RBM47: variants seen among roughly 807,000 people sequenced by gnomAD.
The protein encoded by RBM47 is RNA binding motif protein 47.
In RBM47, 21 loss-of-function variants were observed where a neutral mutation model predicts 47.1. The ratio of observed to expected loss-of-function variants is 0.45; its 90% CI spans 0.32 to 0.64. The LOEUF (loss-of-function observed/expected upper bound fraction) is 0.64, where lower values mean the gene tolerates loss of function less well. Among genes scored for constraint, RBM47 ranks in the 30% least tolerant of loss-of-function variants. RBM47 has a pLI of 0.05. For missense variants in RBM47, 708 were observed against 870.9 expected, an observed-to-expected ratio of 0.81 and a Z score of 2.35; for synonymous variants, 375 against 361.7, an observed-to-expected ratio of 1.04 and a Z score of -0.42.
intron 1 of RBM47, among the ~76,000 whole-genome samples, chr4:40,620,589 T>C (rs1737178102): frequency 6.6e-6 from 1 of 152,228 alleles, no homozygotes; most frequent in African/African-American, 2.4e-5. Flanking sequence ...TAATTCATAT[T>C]TACTGGTTCT....
At chr4:40,431,614 C>T (rs531702882) in intron 6 of RBM47, among the ~76,000 whole-genome samples, 37 of 148,814 alleles carry the variant, frequency 2.5e-4, no homozygotes, top group East Asian at 2.0e-4. Context: ...GCCGAGATGG[C>T]GCCACTGCGC....
At chr4:40,492,518 G>A (rs556479972) in intron 2 of RBM47, among the ~76,000 whole-genome samples, 1 of 152,214 alleles carries the variant, frequency 6.6e-6, no homozygotes, top group African/African-American at 2.4e-5. Context: ...TGTTTCCAAG[G>A]AACAAAGCTC....
intron 2 of RBM47, chr4:40,543,457 A>G (rs982545717): frequency 6.6e-6 from 1 of 152,068 alleles, no homozygotes; most frequent in African/African-American, 2.4e-5. Context: ...CAAGACTATC[A>G]TATGAAGTCA....
chr4:40,616,373 A>G (rs1445268985), intron 1 of RBM47, among the ~76,000 whole-genome samples: 1 of 151,766 alleles, frequency 6.6e-6, no homozygotes, highest in African/African-American at 2.4e-5. Context: ...AAAAAGAAAA[A>G]AAAAAAATCA....
At position 40,432,756 on chromosome 4, in the gene RBM47, G is replaced by A; in HGVS notation, c.1437C>T (p.Pro479=). Reference sequence around the variant, plus strand: ...TGGCTGGGTCTGGCTGCACAGCAATGGGGCTGATCATGTGCTCCACTGTGT... The same window carrying A: ...TGGCTGGGTCTGGCTGCACAGCAATAGGGCTGATCATGTGCTCCACTGTGT... ...KIHTVEHMIS[P]IAVQPDPASA... is the part of the protein sequence containing the mutation. Residue 479 remains proline, a synonymous_variant, in exon 6 of 7, where the codon CCC becomes CCT. Transcript: ENST00000295971. 4.3e-6 allele frequency: 7 copies of A among 1,613,314 alleles called. No individual in the cohort carries two copies. The highest frequency in any genetic ancestry group is 5.9e-6 in the Non-Finnish European group (7 of 1,179,860).
intron 1 of RBM47, among the ~76,000 whole-genome samples, chr4:40,629,086 T>A (rs1737996021): frequency 6.6e-6 from 1 of 151,860 alleles, no homozygotes; most frequent in African/African-American, 2.4e-5. Flanking sequence ...TTCTGGGCGG[T>A]CCAATCATGT....
At chr4:40,594,474 G>A (rs115035351) in intron 1 of RBM47, among the ~76,000 whole-genome samples, 2 of 151,584 alleles carry the variant, frequency 1.3e-5, no homozygotes, top group African/African-American at 4.8e-5. Context: ...ACGGCTACAC[G>A]TCTTACTGGG....
At chr4:40,439,604 G>A (rs960339522) in intron 3 of RBM47, among the ~76,000 whole-genome samples, 3 of 152,198 alleles carry the variant, frequency 2.0e-5, no homozygotes, top group African/African-American at 7.2e-5. Context: ...TCCTTGAAGA[G>A]CTAGACTGAC....
At chr4:40,624,860 C>CTT (rs1172791380) in intron 1 of RBM47, among the ~76,000 whole-genome samples, 149 of 119,572 alleles carry the variant, frequency 1.2e-3, no homozygotes, top group African/African-American at 3.5e-3. Context: ...TTTTCTTTTT[C>CTT]TTTTTTTTTT....
rs576798019 is a variant in RBM47 at position 40,629,743 on chromosome 4, G to A, written c.-587C>T. 6.6e-6 allele frequency: 1 copy of A among 152,328 alleles called. No individual in the cohort carries two copies. Among genetic ancestry groups the A allele is most frequent in the East Asian group, 1.9e-4 (1 of 5,180 alleles). 9.4% of individuals were successfully genotyped at this position (152,328 alleles called of 1,614,324 possible). ...GGAAAGCGGGAGCGGCGACCCGAAG[G>A]CAGCGAAGTTCTCTCGGGCTCAGCT... On this transcript the variant is annotated 5_prime_UTR_variant, in exon 1 of 7. Coordinates refer to ENST00000295971, the MANE Select transcript of RBM47 (RefSeq NM_001098634.2).
intron 2 of RBM47, among the ~76,000 whole-genome samples, chr4:40,488,406 C>A (rs796106030): frequency 1.3e-5 from 2 of 151,972 alleles, no homozygotes; most frequent in East Asian, 3.9e-4. Context: ...CTTTTCAGTG[C>A]GCACCATTTT....
chr4:40,565,492 C>T (rs1731011360), intron 1 of RBM47, among the ~76,000 whole-genome samples: 1 of 152,122 alleles, frequency 6.6e-6, no homozygotes, highest in Admixed American at 6.5e-5. Context: ...CAGCAGCTCT[C>T]CACTAAGAGG....
intron 1 of RBM47, among the ~76,000 whole-genome samples, chr4:40,573,436 G>A (rs1731932087): frequency 1.3e-5 from 2 of 151,590 alleles, no homozygotes; most frequent in Admixed American, 1.3e-4. Context: ...AGAAAAGGAT[G>A]AAATTTTGAG....
intron 1 of RBM47, among the ~76,000 whole-genome samples, chr4:40,555,391 ACT>A (rs1327653987): frequency 6.6e-6 from 1 of 151,792 alleles, no homozygotes; most frequent in Non-Finnish European, 1.5e-5. Flanking sequence ...TTCTAATGAG[ACT>A]CTCTACAGCC....
intron 1 of RBM47, among the ~76,000 whole-genome samples, chr4:40,565,213 T>C (rs1482615415): frequency 6.6e-6 from 1 of 152,216 alleles, no homozygotes; most frequent in Non-Finnish European, 1.5e-5. Context: ...GAAGTTATTT[T>C]CTCATTCATT....
At chr4:40,440,013 C>T (rs1713377843) in intron 3 of RBM47, among the ~76,000 whole-genome samples, 1 of 152,286 alleles carries the variant, frequency 6.6e-6, no homozygotes, top group East Asian at 1.9e-4. Flanking sequence ...CAGTGCAGGT[C>T]TGAACTGTGC....
chr4:40,437,093 ATATATATAT>A (rs1712644996), intron 4 of RBM47, among the ~76,000 whole-genome samples: 1 of 29,524 alleles, frequency 3.4e-5, no homozygotes, highest in Non-Finnish European at 7.5e-5. Context: ...AAAAAAAAAT[ATATATATAT>A]ATATATATAA....
At chr4:40,456,752 C>T (rs75894579) in intron 3 of RBM47, among the ~76,000 whole-genome samples, 5,594 of 151,656 alleles carry the variant, frequency 0.037, 213 homozygotes, top group African/African-American at 0.1. Context: ...TCCTCACCAC[C>T]ACGCCTGGCT....
In RBM47 at chr4:40,551,649, CT is replaced by C. The variant is rs59601849; in HGVS notation, c.-239-7144del. 3.0e-3 allele frequency among the ~76,000 whole-genome samples: 410 copies of C among 134,626 alleles called. 2 individuals are homozygous for C. Among genetic ancestry groups the C allele is most frequent in the African/African-American group, 7.0e-3 (256 of 36,580 alleles). 88.3% of individuals were successfully genotyped at this position (134,626 alleles called of 152,430 possible). ...AGGGAGAATCAAATAGCGTACTTTTCTTTTTTTTTTTTTTTTTGAGACAGAG... is the reference window on the plus strand; with the variant it reads ...AGGGAGAATCAAATAGCGTACTTTTCTTTTTTTTTTTTTTTTGAGACAGAG... On this transcript the variant is annotated intron_variant, in intron 1 of 6. Transcript: ENST00000295971.
Sources: gnomAD v4.1 joint callset for allele counts (sites outside exome capture counted in the v4.1 genomes callset) on GRCh38, gnomAD v4.1.1 for gene constraint, MANE v1.5 for transcripts, NCBI Gene and HGNC (gene_info 2026-07-23, HGNC 2026-07-21) for gene names.